Variants in SLC25A25 observed in about 807,000 individuals in gnomAD.
The protein encoded by SLC25A25 is mitochondrial adenyl nucleotide antiporter SLC25A25.
A neutral mutation model predicts 57.7 loss-of-function variants in SLC25A25; 32 were observed. The observed-to-expected ratio is 0.55, with a 90% CI of 0.42 to 0.74. The LOEUF is 0.74. SLC25A25 is among the 30% of genes least tolerant of loss of function. The pLI is 0.00. For missense variants in SLC25A25, 556 were observed against 701.3 expected (o/e 0.79, Z 2.34); for synonymous variants, 306 against 291.2 (o/e 1.05, Z -0.52).
intron 1 of SLC25A25, among the ~76,000 whole-genome samples, chr9:128,077,367 A>C: frequency 6.6e-6 from 1 of 151,618 alleles, no homozygotes; most frequent in East Asian, 1.9e-4. Context: ...TACAAAAAAA[A>C]TTAGCCGGGC....
At chr9:128,106,640 C>A in intron 9 of SLC25A25, 120 bp downstream of exon 9, 1 of 1,249,236 alleles carries the variant, frequency 8.0e-7, no homozygotes, top group Non-Finnish European at 1.1e-6. Flanking sequence ...CGCCTCCTTC[C>A]TGCTCTTCTG....
chr9:128,104,178 C>T (rs1833923682), intron 6 of SLC25A25, among the ~76,000 whole-genome samples: 2 of 152,194 alleles, frequency 1.3e-5, no homozygotes, highest in African/African-American at 4.8e-5. Context: ...CCTCACCTGA[C>T]CCAGATGCCA....
rs11403307 is a variant in SLC25A25 at position 128,074,348 on chromosome 9, A to ATT, written c.261+5776_261+5777dup. On this transcript the variant is annotated intron_variant, in intron 1 of 10. Transcript: ENST00000373069. ...TGAGCCACCATGTCCAGCTGAGAAG[A>ATT]TTTTTTTTTAATAAGTTGATATTTG... 1.1e-4 allele frequency among the ~76,000 whole-genome samples: 17 copies of ATT among 151,018 alleles called. No individual in the cohort carries two copies. In the South Asian group the frequency reaches 1.5e-3, roughly 13 times the overall value.
At position 128,103,667 on chromosome 9, in the gene SLC25A25, A is replaced by C; in HGVS notation, c.625-14A>C. The C allele has an allele frequency of 3.7e-6, 6 of 1,614,150 alleles. No individual in the cohort carries two copies. The highest frequency in any genetic ancestry group is 5.1e-6 in the Non-Finnish European group (6 of 1,180,000). On this transcript the variant is annotated splice_polypyrimidine_tract_variant and intron_variant, in intron 5 of 10. Coordinates refer to ENST00000373069, the MANE Select transcript of SLC25A25 (RefSeq NM_001330988.2). This position sits in a 1 kb window ranked among gnomAD's most constrained non-coding sequence, Gnocchi z 6.7. ...AAGGGTCCTGAGTCAGGCTTGTGCC[A>C]TCTTTCCTCACAGATCTTTGATGTG...
Position 128,105,741 on chromosome 9 carries a change from C to T in SLC25A25, c.796C>T (p.Arg266Cys), listed in dbSNP as rs150336698. The change falls in exon 7 of 11, where the codon CGC (arginine) becomes TGC (cysteine). Residue 266 changes from arginine to cysteine, a missense_variant. By Grantham distance (180) the Arg-to-Cys change is radical. Transcript: ENST00000373069. ...LKVLMQVHAS[R>C]SNNMGIVGGF... ...TCCTCCCTCCCAGGTCCATGCCTCC[C>T]GCAGCAACAACATGGGCATCGTTGG... 6.2e-5 allele frequency: 100 copies of T among 1,613,096 alleles called. No homozygotes were observed. The highest frequency in any genetic ancestry group is 7.5e-5 in the Non-Finnish European group (89 of 1,180,046).
chr9:128,088,372 C>G (rs577930174), intron 1 of SLC25A25, among the ~76,000 whole-genome samples: 4 of 152,296 alleles, frequency 2.6e-5, no homozygotes, highest in Admixed American at 2.6e-4. Context: ...CCCACCCATG[C>G]GCTGTGACTC....
intron 1 of SLC25A25, among the ~76,000 whole-genome samples, chr9:128,070,083 A>ACTT: frequency 2.6e-5 from 1 of 38,508 alleles, no homozygotes; most frequent in African/African-American, 6.5e-5. Context: ...ACACCCAGCT[A>ACTT]ATTTTTTTTT....
chr9:128,084,451 C>T (rs1833231662), intron 1 of SLC25A25, among the ~76,000 whole-genome samples: 1 of 152,076 alleles, frequency 6.6e-6, no homozygotes, highest in Non-Finnish European at 1.5e-5. Context: ...GCGTGAGCCA[C>T]CGCGCCTGGC....
At chr9:128,091,392 A>C (rs1219022999) in intron 1 of SLC25A25, 2 of 974,792 alleles carry the variant, frequency 2.1e-6, no homozygotes, top group Non-Finnish European at 2.4e-6. Context: ...TAGTGTCGGC[A>C]GAGGTGATTG....
chr9:128,084,289 C>G (rs1002290194), intron 1 of SLC25A25, among the ~76,000 whole-genome samples: 1 of 145,536 alleles, frequency 6.9e-6, no homozygotes, highest in African/African-American at 2.6e-5. Context: ...TTGATACAGT[C>G]TCACTCTGTT....
rs1192721850 is a variant in SLC25A25, at chr9:128,095,243, C to T, written c.262-5853C>T. Among the ~76,000 whole-genome samples, 3 of 152,222 alleles carry T rather than the reference C, an allele frequency of 2.0e-5. No homozygotes were observed. The highest frequency in any genetic ancestry group is 7.2e-5 in the African/African-American group (3 of 41,448). ...ACCTACTGTCTGGCTTACCGGCATC[C>T]TTTGGGAACTGAATACTAAAATCTG... On this transcript the variant is annotated intron_variant, in intron 1 of 10. Coordinates refer to ENST00000373069, the MANE Select transcript of SLC25A25 (RefSeq NM_001330988.2). The surrounding 1 kb of genome is among the most constrained non-coding windows in gnomAD (Gnocchi z 4.4).
chr9:128,103,807 GC>G lies in SLC25A25; in HGVS notation c.757del (p.Leu253TrpfsTer27), dbSNP rs1833904675. ...GAGAVSRTCT[A>X]PLDRLKVLMQ... ...AGGGGCCGTATCCAGAACCTGCACG[GC>G]CCCCCTGGACAGGCTCAAGGTGCTC... On this transcript the variant is annotated frameshift_variant, in exon 6 of 11. Transcript: ENST00000373069. LOFTEE classifies it high-confidence loss of function. The surrounding 1 kb of genome is among the most constrained non-coding windows in gnomAD (Gnocchi z 6.7). The G allele has an allele frequency of 6.2e-7, 1 of 1,611,276 alleles. No homozygotes were observed. The highest frequency in any genetic ancestry group is 8.5e-7 in the Non-Finnish European group (1 of 1,178,574).
At chr9:128,080,472 C>G (rs1174483029) in intron 1 of SLC25A25, among the ~76,000 whole-genome samples, 1 of 128,298 alleles carries the variant, frequency 7.8e-6, no homozygotes, top group East Asian at 2.3e-4. Flanking sequence ...CTTCATCAAC[C>G]TTGTTGGGCT....
chr9:128,094,292 G>A, intron 1 of SLC25A25: 1 of 152,316 alleles, frequency 6.6e-6, no homozygotes, highest in East Asian at 1.9e-4. Context: ...AACTGTTCCA[G>A]TTTTTCCCTT....
In SLC25A25 at chr9:128,103,864, C is replaced by A; in HGVS notation, c.783+25C>A. 4.7e-6 allele frequency: 7 copies of A among 1,504,202 alleles called. No individual in the cohort carries two copies. Among genetic ancestry groups the A allele is most frequent in the Non-Finnish European group, 6.2e-6 (7 of 1,127,516 alleles). 93.2% of individuals were successfully genotyped at this position (1,504,202 alleles called of 1,614,324 possible). Reference sequence around the variant, plus strand: ...GGTATGTAGGGAAAAGGCCCCAGACCCCTGGGGGGCCAGTTTCCACCTGGG... The same window carrying A: ...GGTATGTAGGGAAAAGGCCCCAGACACCTGGGGGGCCAGTTTCCACCTGGG... On this transcript the variant is annotated intron_variant, in intron 6 of 10. Transcript: ENST00000373069. The surrounding 1 kb of genome is among the most constrained non-coding windows in gnomAD (Gnocchi z 6.7).
In SLC25A25 at chr9:128,099,498, C is replaced by T; in HGVS notation, c.262-1598C>T. Reference sequence around the variant, plus strand: ...CAGAGGGCTCCATGCCTGATGTTCGCCTCCTGCCTAAATGGCTTGTCCACT... The same window carrying T: ...CAGAGGGCTCCATGCCTGATGTTCGTCTCCTGCCTAAATGGCTTGTCCACT... On this transcript the variant is annotated intron_variant, in intron 1 of 10. Coordinates refer to ENST00000373069, the MANE Select transcript of SLC25A25 (RefSeq NM_001330988.2). This position sits in a 1 kb window ranked among gnomAD's most constrained non-coding sequence, Gnocchi z 6.8. The T allele has an allele frequency of 1.2e-6, 1 of 825,070 alleles. No individual in the cohort carries two copies. 51.1% of individuals were successfully genotyped at this position (825,070 alleles called of 1,614,324 possible).
chr9:128,109,163 C>T lies in SLC25A25; in HGVS notation c.*1719C>T, dbSNP rs1482389583. On this transcript the variant is annotated 3_prime_UTR_variant, in exon 11 of 11. Coordinates refer to ENST00000373069, the MANE Select transcript of SLC25A25 (RefSeq NM_001330988.2). ...TTATATATGAACATATAACTGGAGTCGTCAAAAAGCAAATTAAGAAAGAAT... is the reference window on the plus strand; with the variant it reads ...TTATATATGAACATATAACTGGAGTTGTCAAAAAGCAAATTAAGAAAGAAT... The T allele has an allele frequency of 3.3e-5, 5 of 152,544 alleles. No homozygotes were observed. Among genetic ancestry groups the T allele is most frequent in the East Asian group, 1.9e-4 (1 of 5,188 alleles). The allele number at this position is 152,544 out of a possible 1,614,324, so 9.4% of individuals were successfully genotyped here. A position where few individuals can be genotyped will look rare whatever the true frequency, so the allele number is the denominator to read the frequency against.
chr9:128,086,011 T>A (rs1384802144), intron 1 of SLC25A25, among the ~76,000 whole-genome samples: 1 of 152,090 alleles, frequency 6.6e-6, no homozygotes, highest in East Asian at 1.9e-4. Flanking sequence ...TTTTCCAATT[T>A]AATTCCACTG....
At position 128,076,466 on chromosome 9, in the gene SLC25A25, TTATTTTTA is replaced by T. The variant is rs1401637176; in HGVS notation, c.261+7888_261+7895del. Among the ~76,000 whole-genome samples the T allele has an allele frequency of 8.3e-4, 81 of 98,144 alleles. 1 individual carries two copies. The highest frequency in any genetic ancestry group is 6.3e-3 in the Middle Eastern group (1 of 160). 64.4% of individuals were successfully genotyped at this position (98,144 alleles called of 152,430 possible). ...TTTATTTTTATTTTTATTTTTATTT[TTATTTTTA>T]TTTTTTTTTGAGACAGAGTCTCTCT... On this transcript the variant is annotated intron_variant, in intron 1 of 10. Transcript: ENST00000373069.
Sources: allele counts gnomAD v4.1 joint callset (sites outside exome capture counted in the v4.1 genomes callset), GRCh38; gene constraint gnomAD v4.1.1; non-coding constraint Gnocchi (gnomAD v3.1); transcripts MANE v1.5; gene names NCBI Gene and HGNC (gene_info 2026-07-23, HGNC 2026-07-21).